The following GALNT7 variants were observed in gnomAD, a reference collection of about 807,000 sequenced individuals.
GALNT7 encodes the protein N-acetylgalactosaminyltransferase 7.
Under a neutral mutation model 82.1 loss-of-function variants are expected in GALNT7, and 60 were observed. The observed-to-expected ratio is 0.73, with a 90% CI of 0.59 to 0.91. The LOEUF is 0.91. Among genes scored for constraint, GALNT7 ranks in the 40% least tolerant of loss-of-function variants. The pLI is 0.00. For missense variants in GALNT7, 660 were observed against 804.2 expected, an observed-to-expected ratio of 0.82 and a Z score of 2.17; for synonymous variants, 243 against 275.1, an observed-to-expected ratio of 0.88 and a Z score of 1.15.
Position 173,292,051 on chromosome 4 carries a change from G to T in GALNT7, c.588-57G>T. 8.6e-7 allele frequency: 1 copy of T among 1,164,440 alleles called. No individual in the cohort carries two copies. The highest frequency in any genetic ancestry group is 1.3e-6 in the Non-Finnish European group (1 of 793,226). 72.1% of individuals were successfully genotyped at this position (1,164,440 alleles called of 1,614,324 possible). A position where few individuals can be genotyped will look rare whatever the true frequency, so the allele number is the denominator to read the frequency against. ...TCCAATCAGCAAATATAGTCAGCTT[G>T]GAGCCAAGCAGTATAGATTACCTGT... On this transcript the variant is annotated intron_variant, in intron 2 of 11. Coordinates refer to ENST00000265000, the MANE Select transcript of GALNT7 (RefSeq NM_017423.3). The surrounding 1 kb of genome is among the most constrained non-coding windows in gnomAD (Gnocchi z 4.8).
Position 173,248,272 on chromosome 4 carries a change from C to A in GALNT7, c.419C>A (p.Pro140His). 4.3e-6 allele frequency: 7 copies of A among 1,613,958 alleles called. No homozygotes were observed. The highest frequency in any genetic ancestry group is 5.1e-6 in the Non-Finnish European group (6 of 1,179,892). ...GILGNFEPKEPEPPGVVGGPG... is the reference protein window; with the variant it reads ...GILGNFEPKEHEPPGVVGGPG... The stretch of plus-strand genomic sequence containing the variant: ...CTCGGTAACTTTGAACCCAAAGAAC[C>A]TGAGCCTCCTGGAGTGGTTGGTGGC... Residue 140 changes from proline to histidine, a missense_variant, in exon 2 of 12, where the codon CCT becomes CAT. Physicochemically the swap from Pro to His is moderately conservative, Grantham distance 77. Transcript: ENST00000265000.
intron 1 of GALNT7, among the ~76,000 whole-genome samples, chr4:173,177,845 A>C (rs777487000): frequency 1.3e-5 from 2 of 152,182 alleles, no homozygotes; most frequent in Non-Finnish European, 2.9e-5. Flanking sequence ...GATGATAAAG[A>C]AGTTCAGGTC....
intron 1 of GALNT7, among the ~76,000 whole-genome samples, chr4:173,229,235 T>C (rs1384332128): frequency 6.6e-6 from 1 of 152,192 alleles, no homozygotes; most frequent in African/African-American, 2.4e-5. Context: ...ATCTTAATAT[T>C]CACCTACCCT....
Position 173,292,099 on chromosome 4 carries a change from T to C in GALNT7, c.588-9T>C, listed in dbSNP as rs200086559. 1.0e-5 allele frequency: 16 copies of C among 1,591,740 alleles called. No homozygotes were observed. In the African/African-American group the frequency reaches 1.1e-4, roughly 11 times the overall value. ...TGTAAATAAATATGATGAAATTTTC[T>C]CTTTACAGATGCAAGTATTGGCATT... On this transcript the variant is annotated splice_polypyrimidine_tract_variant and intron_variant, in intron 2 of 11. Transcript: ENST00000265000. The surrounding 1 kb of genome is among the most constrained non-coding windows in gnomAD (Gnocchi z 4.8).
chr4:173,294,382 A>C (rs1356184106), intron 3 of GALNT7, among the ~76,000 whole-genome samples: 1 of 152,112 alleles, frequency 6.6e-6, no homozygotes, highest in Non-Finnish European at 1.5e-5. Context: ...CTGGGTACCA[A>C]AATAGAAAGT....
At chr4:173,236,620 T>C (rs931581523) in intron 1 of GALNT7, among the ~76,000 whole-genome samples, 1 of 152,182 alleles carries the variant, frequency 6.6e-6, no homozygotes, top group African/African-American at 2.4e-5. Flanking sequence ...AGCAAATGAT[T>C]TGGCATTCTC....
At chr4:173,201,092 T>C (rs1732932932) in intron 1 of GALNT7, among the ~76,000 whole-genome samples, 1 of 152,194 alleles carries the variant, frequency 6.6e-6, no homozygotes, top group Non-Finnish European at 1.5e-5. Context: ...TACTGTTTTT[T>C]ACTTTGCATT....
Position 173,248,101 on chromosome 4 carries a change from A to C in GALNT7, c.248A>C (p.Glu83Ala), listed in dbSNP as rs200825612. 1.2e-6 allele frequency: 2 copies of C among 1,613,578 alleles called. No individual in the cohort carries two copies. Among genetic ancestry groups the C allele is most frequent in the East Asian group, 4.5e-5 (2 of 44,868 alleles). Reference sequence around the variant, plus strand: ...GTTGAAGGAGTAGAAGTGGACTTAGAGTCTATTAGAAGAATAAACAAGGCC... The same window carrying C: ...GTTGAAGGAGTAGAAGTGGACTTAGCGTCTATTAGAAGAATAAACAAGGCC... Reference protein sequence around the residue: ...PHVEGVEVDLESIRRINKAKN... With the variant: ...PHVEGVEVDLASIRRINKAKN... Residue 83 changes from glutamate (E) to alanine (A), a missense_variant, in exon 2 of 12, where the codon GAG becomes GCG. Glu to Ala is a moderately radical substitution (Grantham distance 107). Around this residue, in one of 2 missense-constraint regions of GALNT7, gnomAD observed 133 missense variants for 120.7 expected, o/e 1.10. Coordinates refer to ENST00000265000, the MANE Select transcript of GALNT7 (RefSeq NM_017423.3).
chr4:173,285,873 AG>A (rs1342995806), intron 2 of GALNT7, among the ~76,000 whole-genome samples: 1 of 152,218 alleles, frequency 6.6e-6, no homozygotes, highest in Non-Finnish European at 1.5e-5. Flanking sequence ...TGAGGAAAAC[AG>A]GGATTTCTCC....
At chr4:173,205,260 TG>T (rs1733050726) in intron 1 of GALNT7, among the ~76,000 whole-genome samples, 1 of 151,782 alleles carries the variant, frequency 6.6e-6, no homozygotes, top group Admixed American at 6.6e-5. Flanking sequence ...GACCACGTAC[TG>T]GGATGGGCCT....
At chr4:173,216,248 C>G (rs980220063) in intron 1 of GALNT7, among the ~76,000 whole-genome samples, 1 of 152,232 alleles carries the variant, frequency 6.6e-6, no homozygotes, top group African/African-American at 2.4e-5. Flanking sequence ...CTTTAGCAAA[C>G]ACTTTCTTCA....
At chr4:173,197,389 A>G (rs1251589238) in intron 1 of GALNT7, among the ~76,000 whole-genome samples, 1 of 152,198 alleles carries the variant, frequency 6.6e-6, no homozygotes, top group East Asian at 1.9e-4. Flanking sequence ...GATAAGTTTT[A>G]TACACCCTAG....
At chr4:173,255,335 A>C (rs1734998697) in intron 2 of GALNT7, among the ~76,000 whole-genome samples, 2 of 152,044 alleles carry the variant, frequency 1.3e-5, no homozygotes, top group South Asian at 2.1e-4. Flanking sequence ...CTCTCTGGTT[A>C]TTGTCCAAGT....
At chr4:173,232,221 C>G (rs185952874) in intron 1 of GALNT7, among the ~76,000 whole-genome samples, 1 of 152,012 alleles carries the variant, frequency 6.6e-6, no homozygotes, top group East Asian at 1.9e-4. Context: ...GTGGGTAACA[C>G]TGAAGCCAGG....
chr4:173,197,719 C>T (rs1240716761), intron 1 of GALNT7, among the ~76,000 whole-genome samples: 1 of 152,172 alleles, frequency 6.6e-6, no homozygotes, highest in Non-Finnish European at 1.5e-5. Context: ...TCAGGGTCAT[C>T]CCATAGGATG....
chr4:173,280,815 C>T lies in GALNT7; in HGVS notation c.588-11293C>T, dbSNP rs6854970. Among the ~76,000 whole-genome samples, 808 of 152,326 alleles carry T rather than the reference C, an allele frequency of 5.3e-3. 10 individuals are homozygous for T. The highest frequency in any genetic ancestry group is 0.019 in the African/African-American group (781 of 41,564). On this transcript the variant is annotated intron_variant, in intron 2 of 11. Transcript: ENST00000265000. ...TTTTACCTCAATACAATGGGCATTT[C>T]TTTCTTACTAAATCTTAATAGCAAG...
intron 5 of GALNT7, 91 bp downstream of exon 5, chr4:173,295,934 C>T (rs2126836074): frequency 1.3e-6 from 1 of 783,204 alleles, no homozygotes. Context: ...ATTCCAGCTC[C>T]ATTCAGTGCA....
intron 1 of GALNT7, among the ~76,000 whole-genome samples, chr4:173,230,833 G>A (rs1304130060): frequency 6.6e-6 from 1 of 152,144 alleles, no homozygotes; most frequent in African/African-American, 2.4e-5. Context: ...GGGAAATATA[G>A]TAAATTATTC....
intron 1 of GALNT7, among the ~76,000 whole-genome samples, chr4:173,187,003 G>A (rs1206904459): frequency 6.6e-6 from 1 of 152,002 alleles, no homozygotes; most frequent in East Asian, 1.9e-4. Flanking sequence ...TGATCCACCC[G>A]CCTCGGCCGC....
Sources: allele counts gnomAD v4.1 joint callset (sites outside exome capture counted in the v4.1 genomes callset), GRCh38; gene constraint gnomAD v4.1.1; regional missense constraint gnomAD v4.1.1; non-coding constraint Gnocchi (gnomAD v3.1); transcripts MANE v1.5; gene names NCBI Gene and HGNC (gene_info 2026-07-23, HGNC 2026-07-21).